Variants in NBEAL1 observed in about 807,000 individuals in gnomAD.
The protein encoded by NBEAL1 is neurobeachin like 1, also known as neurobeachin-like protein 1.
A neutral mutation model predicts 351.3 loss-of-function variants in NBEAL1; 273 were observed. The ratio of observed to expected loss-of-function variants is 0.78; its 90% CI spans 0.70 to 0.86. NBEAL1 has a LOEUF of 0.86. Ranked by LOEUF, NBEAL1 falls within the 40% of genes least tolerant of loss-of-function variation. The probability of loss-of-function intolerance (pLI) is 0.00; values close to 1 mark genes in which losing one functional copy is unlikely to be tolerated. For missense variants in NBEAL1, 2,961 were observed against 3,201.3 expected, an observed-to-expected ratio of 0.92 and a Z score of 1.81; for synonymous variants, 1,050 against 1,086.4, an observed-to-expected ratio of 0.97 and a Z score of 0.66.
At chr2:203,125,553 T>C in intron 20 of NBEAL1, 33 bp downstream of exon 20, 1 of 1,340,434 alleles carries the variant, frequency 7.5e-7, no homozygotes, top group Non-Finnish European at 9.6e-7. Context: ...AAATAGTCAT[T>C]GAGAAATTTG....
At chr2:203,154,010 C>T (rs760281598) in intron 35 of NBEAL1, among the ~76,000 whole-genome samples, 6 of 151,782 alleles carry the variant, frequency 4.0e-5, no homozygotes, top group South Asian at 2.1e-4. Context: ...CTTTGGGAGG[C>T]GGAGGTGGGC....
intron 2 of NBEAL1, among the ~76,000 whole-genome samples, chr2:203,019,046 A>T (rs2060726440): frequency 1.3e-5 from 2 of 152,104 alleles, no homozygotes; most frequent in African/African-American, 2.4e-5. Flanking sequence ...CCATATTTTT[A>T]TTCTTTGCTG....
intron 10 of NBEAL1, among the ~76,000 whole-genome samples, chr2:203,088,432 C>T (rs1287250158): frequency 2.0e-5 from 3 of 152,136 alleles, no homozygotes; most frequent in Admixed American, 6.6e-5. Context: ...GATGGGGTCA[C>T]CAAAGCCCAA....
At chr2:203,168,257 A>G (rs1472663939) in intron 38 of NBEAL1, among the ~76,000 whole-genome samples, 2 of 152,226 alleles carry the variant, frequency 1.3e-5, no homozygotes, top group African/African-American at 4.8e-5. Flanking sequence ...CATTTCTATA[A>G]AGTAGCTAAT....
chr2:203,151,660 TTTA>T, intron 35 of NBEAL1, 71 bp downstream of exon 35: 2 of 1,394,140 alleles, frequency 1.4e-6, no homozygotes, highest in Non-Finnish European at 1.9e-6. Flanking sequence ...CGATTGTTAT[TTTA>T]TTGTTTTAAA....
chr2:203,017,967 G>A (rs1002581697), intron 2 of NBEAL1, among the ~76,000 whole-genome samples: 2 of 151,970 alleles, frequency 1.3e-5, no homozygotes, highest in African/African-American at 4.8e-5. Context: ...TAATTTGTGT[G>A]CTTAATACGA....
chr2:203,066,307 T>C (rs2061584973), intron 6 of NBEAL1, among the ~76,000 whole-genome samples: 1 of 148,336 alleles, frequency 6.7e-6, no homozygotes, highest in Admixed American at 6.9e-5. Context: ...AACTGAAAGC[T>C]AAATTAAATT....
chr2:203,030,222 T>G (rs915946628), intron 2 of NBEAL1, among the ~76,000 whole-genome samples: 1 of 152,168 alleles, frequency 6.6e-6, no homozygotes, highest in African/African-American at 2.4e-5. Flanking sequence ...TGGATAAAAT[T>G]TAAGAAACAT....
Position 203,141,153 on chromosome 2 carries a change from C to A in NBEAL1, c.4848+2405C>A, listed in dbSNP as rs1039829394. 6.0e-5 allele frequency among the ~76,000 whole-genome samples: 9 copies of A among 150,570 alleles called. No individual in the cohort carries two copies. The East Asian group carries it at 1.6e-3, about 26-fold the overall frequency. On this transcript the variant is annotated intron_variant, in intron 31 of 55. Transcript: ENST00000683969. ...TGCTAAAGTAGTTGCAGTTAGCATG[C>A]TAGATAGTTCTTTATTTTAGATGTT...
At position 203,218,759 on chromosome 2, in the gene NBEAL1, A is replaced by C. The variant is rs1262410169; in HGVS notation, c.*1405A>C. On this transcript the variant is annotated 3_prime_UTR_variant, in exon 56 of 56. Transcript: ENST00000683969. Reference sequence around the variant, plus strand: ...TTTATAATCTTTTGAGTGAGTAAAAAAATTTTAAGAAATAAAGGATTCTGT... The same window carrying C: ...TTTATAATCTTTTGAGTGAGTAAAACAATTTTAAGAAATAAAGGATTCTGT... 1 of 152,170 alleles carries C rather than the reference A, an allele frequency of 6.6e-6. No homozygotes were observed. The highest frequency in any genetic ancestry group is 1.5e-5 in the Non-Finnish European group (1 of 68,014). The allele number at this position is 152,170 out of a possible 1,614,324, so 9.4% of individuals were successfully genotyped here. A position where few individuals can be genotyped will look rare whatever the true frequency, so the allele number is the denominator to read the frequency against.
intron 31 of NBEAL1, among the ~76,000 whole-genome samples, chr2:203,143,729 T>A (rs1371476110): frequency 3.9e-5 from 6 of 152,330 alleles, no homozygotes; most frequent in Non-Finnish European, 8.8e-5. Flanking sequence ...TCTATATATC[T>A]TGAATAGTGA....
intron 23 of NBEAL1, 123 bp downstream of exon 23, chr2:203,127,049 T>G: frequency 1.5e-6 from 1 of 662,486 alleles, no homozygotes; most frequent in Non-Finnish European, 2.5e-6. Context: ...TGGAGAGAGG[T>G]AGGATACAGT....
At chr2:203,093,088 C>T (rs2062098341) in intron 10 of NBEAL1, among the ~76,000 whole-genome samples, 1 of 151,692 alleles carries the variant, frequency 6.6e-6, no homozygotes, top group Admixed American at 6.6e-5. Context: ...AAAAATTAGC[C>T]AGCCGTGGTG....
rs748819860 is a variant in NBEAL1 at position 203,222,999 on chromosome 2, C to T, written c.*5645C>T. 6.6e-6 allele frequency among the ~76,000 whole-genome samples: 1 copy of T among 152,100 alleles called. No homozygotes were observed. The highest frequency in any genetic ancestry group is 2.4e-5 in the African/African-American group (1 of 41,442). On this transcript the variant is annotated 3_prime_UTR_variant, in exon 56 of 56. Coordinates refer to ENST00000683969, the MANE Select transcript of NBEAL1 (RefSeq NM_001378026.1). ...AGGCCATCCTAGAGTATAGGAGTTA[C>T]GTGATTTTCTTCTGTATAAAAATCT... is the stretch of plus-strand genomic sequence containing the variant.
Position 203,217,998 on chromosome 2 carries a change from T to A in NBEAL1, c.*644T>A. 1.2e-6 allele frequency: 1 copy of A among 823,566 alleles called. No homozygotes were observed. Among genetic ancestry groups the A allele is most frequent in the Non-Finnish European group, 1.5e-6 (1 of 682,594 alleles). 51.0% of individuals were successfully genotyped at this position (823,566 alleles called of 1,614,324 possible). A position where few individuals can be genotyped will look rare whatever the true frequency, so the allele number is the denominator to read the frequency against. ...GAGTAGAAAAAAGTGGAACTAGAGATACATTTTACAGATGTATTTCCTTAA... is the reference window on the plus strand; with the variant it reads ...GAGTAGAAAAAAGTGGAACTAGAGAAACATTTTACAGATGTATTTCCTTAA... On this transcript the variant is annotated 3_prime_UTR_variant, in exon 56 of 56. Transcript: ENST00000683969.
intron 10 of NBEAL1, among the ~76,000 whole-genome samples, chr2:203,095,792 A>G (rs1403015624): frequency 6.6e-6 from 1 of 151,418 alleles, no homozygotes; most frequent in Non-Finnish European, 1.5e-5. Context: ...TGTTTTTTTG[A>G]GTCAGAGTCT....
chr2:203,116,121 T>C, intron 18 of NBEAL1, 51 bp downstream of exon 18: 3 of 1,226,144 alleles, frequency 2.4e-6, no homozygotes, highest in Non-Finnish European at 1.2e-6. Context: ...TGTTGTGAAC[T>C]GCAGTTCCTT....
intron 27 of NBEAL1, among the ~76,000 whole-genome samples, chr2:203,133,770 TAC>T (rs949266975): frequency 6.6e-6 from 1 of 151,066 alleles, no homozygotes. Context: ...TATATATATA[TAC>T]ACATATATAC....
At chr2:203,053,488 GT>G (rs927872956) in intron 4 of NBEAL1, among the ~76,000 whole-genome samples, 2 of 151,648 alleles carry the variant, frequency 1.3e-5, no homozygotes, top group African/African-American at 2.4e-5. Flanking sequence ...AGGTATCTGG[GT>G]TTTTTTTGTC....
Sources: allele counts gnomAD v4.1 joint callset (sites outside exome capture counted in the v4.1 genomes callset), GRCh38; gene constraint gnomAD v4.1.1; transcripts MANE v1.5; gene names NCBI Gene and HGNC (gene_info 2026-07-23, HGNC 2026-07-21).